Variants in GALNTL6 observed in about 807,000 individuals in gnomAD.
GALNTL6 encodes the protein polypeptide N-acetylgalactosaminyltransferase like 6, also known as polypeptide N-acetylgalactosaminyltransferase-like 6.
A neutral mutation model predicts 73.7 loss-of-function variants in GALNTL6; 46 were observed. The ratio of observed to expected loss-of-function variants is 0.62; its 90% CI spans 0.49 to 0.80. The LOEUF (loss-of-function observed/expected upper bound fraction) is 0.80. Among genes scored for constraint, GALNTL6 ranks in the 30% least tolerant of loss-of-function variants. GALNTL6 has a pLI of 0.00. For synonymous variants in GALNTL6, 259 were observed against 263.7 expected (o/e 0.98, Z 0.17); for missense variants, 604 against 755.0 (o/e 0.80, Z 2.34).
At chr4:172,041,794 T>C (rs1742091773) in intron 2 of GALNTL6, among the ~76,000 whole-genome samples, 1 of 152,048 alleles carries the variant, frequency 6.6e-6, no homozygotes, top group East Asian at 1.9e-4. Flanking sequence ...ATTAGCACTC[T>C]TCTCATTGAG....
chr4:171,904,017 A>C (rs1232922651), intron 2 of GALNTL6, among the ~76,000 whole-genome samples: 1 of 152,064 alleles, frequency 6.6e-6, no homozygotes, highest in African/African-American at 2.4e-5. Context: ...CAAAGACCAA[A>C]AGTAGATAAA....
intron 11 of GALNTL6, among the ~76,000 whole-genome samples, chr4:173,021,270 G>A (rs1339664067): frequency 6.6e-6 from 1 of 151,976 alleles, no homozygotes; most frequent in African/African-American, 2.4e-5. Flanking sequence ...TTTTTTGGCA[G>A]CCTGGACCAA....
chr4:172,213,707 C>G (rs1421084787), intron 2 of GALNTL6, among the ~76,000 whole-genome samples: 1 of 152,116 alleles, frequency 6.6e-6, no homozygotes, highest in Non-Finnish European at 1.5e-5. Context: ...TTATCTCAGT[C>G]TGTAGCTTTC....
intron 4 of GALNTL6, among the ~76,000 whole-genome samples, chr4:172,317,423 C>T (rs766066023): frequency 7.9e-5 from 12 of 152,236 alleles, no homozygotes; most frequent in South Asian, 6.2e-4. Flanking sequence ...TCAGCGATCG[C>T]GTGATCTATT....
intron 5 of GALNTL6, among the ~76,000 whole-genome samples, chr4:172,378,685 G>A (rs1304269603): frequency 1.3e-5 from 2 of 151,888 alleles, no homozygotes; most frequent in African/African-American, 4.8e-5. Flanking sequence ...GAACTTTAAT[G>A]CTGAGTAATA....
chr4:172,310,267 G>T (rs972726037), intron 3 of GALNTL6, among the ~76,000 whole-genome samples: 9 of 151,186 alleles, frequency 6.0e-5, no homozygotes, highest in African/African-American at 2.2e-4. Context: ...CAAATTACTC[G>T]ATAATTTTTT....
At chr4:172,067,907 A>C (rs769355860) in intron 2 of GALNTL6, among the ~76,000 whole-genome samples, 1 of 110,636 alleles carries the variant, frequency 9.0e-6, no homozygotes, top group Non-Finnish European at 2.0e-5. Context: ...CTCAGTCACC[A>C]GTCATGCTTG....
At chr4:172,220,228 C>T (rs1736629426) in intron 2 of GALNTL6, among the ~76,000 whole-genome samples, 2 of 151,606 alleles carry the variant, frequency 1.3e-5, no homozygotes, top group South Asian at 4.1e-4. Context: ...CTGCTTTAGT[C>T]ACTGATAAAT....
rs1732576127 is a variant in GALNTL6 at position 172,103,372 on chromosome 4, A to G, written c.139-126284A>G. ...TTTCTGCAAGATGGATTGCTACCAG[A>G]CACTATGTGAGTCTAAAGGCATTCA... On this transcript the variant is annotated intron_variant, in intron 2 of 12. Transcript: ENST00000506823. 2.0e-5 allele frequency among the ~76,000 whole-genome samples: 3 copies of G among 152,306 alleles called. No individual in the cohort carries two copies. The South Asian group carries it at 6.2e-4, about 32-fold the overall frequency.
intron 5 of GALNTL6, among the ~76,000 whole-genome samples, chr4:172,755,583 A>G (rs1737708322): frequency 2.0e-5 from 3 of 152,224 alleles, no homozygotes; most frequent in Non-Finnish European, 4.4e-5. Flanking sequence ...AACAAATAAC[A>G]AAACTACAGT....
chr4:172,888,503 T>C (rs1036767784), intron 8 of GALNTL6, among the ~76,000 whole-genome samples: 1 of 152,218 alleles, frequency 6.6e-6, no homozygotes, highest in Non-Finnish European at 1.5e-5. Flanking sequence ...GTGCTATTTA[T>C]TGAATATGGA....
At chr4:172,845,089 G>A (rs1379653838) in intron 7 of GALNTL6, among the ~76,000 whole-genome samples, 5 of 151,652 alleles carry the variant, frequency 3.3e-5, no homozygotes, top group African/African-American at 1.2e-4. Context: ...GTGGTGGCAT[G>A]CGCCAGTAGT....
chr4:172,466,070 T>C (rs1732804735), intron 5 of GALNTL6, among the ~76,000 whole-genome samples: 1 of 152,216 alleles, frequency 6.6e-6, no homozygotes, highest in African/African-American at 2.4e-5. Context: ...GATTATGTCA[T>C]AAAATGCGTC....
chr4:173,027,602 T>TA (rs1753286475), intron 12 of GALNTL6, among the ~76,000 whole-genome samples: 1 of 152,180 alleles, frequency 6.6e-6, no homozygotes, highest in Middle Eastern at 3.2e-3. Context: ...CCATCACTCT[T>TA]AGTGGTGAAA....
At chr4:173,011,644 C>T (rs1752559425) in intron 11 of GALNTL6, among the ~76,000 whole-genome samples, 1 of 152,152 alleles carries the variant, frequency 6.6e-6, no homozygotes, top group Non-Finnish European at 1.5e-5. Flanking sequence ...GTCTTTTCCC[C>T]AGTGTACGTT....
At chr4:172,074,467 T>C (rs1372263274) in intron 2 of GALNTL6, among the ~76,000 whole-genome samples, 1 of 152,190 alleles carries the variant, frequency 6.6e-6, no homozygotes, top group African/African-American at 2.4e-5. Context: ...AGTGCGGTTC[T>C]ATCATCCACA....
At chr4:172,211,214 G>T (rs568947301) in intron 2 of GALNTL6, among the ~76,000 whole-genome samples, 1 of 152,138 alleles carries the variant, frequency 6.6e-6, no homozygotes, top group African/African-American at 2.4e-5. Context: ...TCCCCAAGGA[G>T]CCCTGGTTTC....
chr4:172,105,917 T>A (rs1375107763), intron 2 of GALNTL6, among the ~76,000 whole-genome samples: 1 of 152,128 alleles, frequency 6.6e-6, no homozygotes, highest in African/African-American at 2.4e-5. Context: ...CATAAATTTT[T>A]AAAAAATGCT....
intron 2 of GALNTL6, among the ~76,000 whole-genome samples, chr4:172,213,605 T>A (rs937949691): frequency 6.6e-6 from 1 of 151,964 alleles, no homozygotes; most frequent in Non-Finnish European, 1.5e-5. Flanking sequence ...TGTTTATAAA[T>A]TGACTTATTT....
Sources: gnomAD v4.1 joint callset for allele counts (sites outside exome capture counted in the v4.1 genomes callset) on GRCh38, gnomAD v4.1.1 for gene constraint, MANE v1.5 for transcripts, NCBI Gene and HGNC (gene_info 2026-07-23, HGNC 2026-07-21) for gene names.